GABRA2: variants seen among roughly 807,000 people sequenced by gnomAD.
The protein encoded by GABRA2 is gamma-aminobutyric acid receptor subunit alpha-2.
In GABRA2, 16 loss-of-function variants were observed where a neutral mutation model predicts 48.7. That is an observed-to-expected ratio of 0.33 (90% CI 0.22 to 0.50). The LOEUF (loss-of-function observed/expected upper bound fraction) is 0.50. Ranked by LOEUF, GABRA2 falls within the 20% of genes least tolerant of loss-of-function variation. GABRA2 has a pLI of 0.98. For missense variants in GABRA2, 275 were observed against 535.6 expected, an observed-to-expected ratio of 0.51 and a Z score of 4.80; for synonymous variants, 185 against 184.5, an observed-to-expected ratio of 1.00 and a Z score of -0.02.
At chr4:46,384,512 C>G (rs1717185828) in intron 3 of GABRA2, among the ~76,000 whole-genome samples, 1 of 152,098 alleles carries the variant, frequency 6.6e-6, no homozygotes, top group Non-Finnish European at 1.5e-5. Context: ...TTTCTACTAC[C>G]TAACCATATA....
intron 9 of GABRA2, among the ~76,000 whole-genome samples, chr4:46,254,256 G>A (rs983643437): frequency 1.3e-5 from 2 of 151,382 alleles, no homozygotes; most frequent in Non-Finnish European, 3.0e-5. Context: ...ACCATCAGCA[G>A]GTTGAATCCT....
chr4:46,275,761 CT>C (rs1034900285), intron 8 of GABRA2, among the ~76,000 whole-genome samples: 1 of 151,968 alleles, frequency 6.6e-6, no homozygotes, highest in African/African-American at 2.4e-5. Context: ...CTTATAGCTC[CT>C]TGAGGTGATT....
At position 46,375,375 on chromosome 4, in the gene GABRA2, C is replaced by T. The variant is rs565226163; in HGVS notation, c.187+10699G>A. Among the ~76,000 whole-genome samples, 3 of 152,146 alleles carry T rather than the reference C, an allele frequency of 2.0e-5. No homozygotes were observed. The East Asian group carries it at 5.8e-4, about 29-fold the overall frequency. On this transcript the variant is annotated intron_variant, in intron 3 of 9. Coordinates refer to ENST00000381620, the MANE Select transcript of GABRA2 (RefSeq NM_000807.4). ...CACTAAAAATTTAGAAGAAATAATTCTCATCATATAACTCTTCATAAGTTT... is the reference window on the plus strand; with the variant it reads ...CACTAAAAATTTAGAAGAAATAATTTTCATCATATAACTCTTCATAAGTTT...
intron 8 of GABRA2, among the ~76,000 whole-genome samples, chr4:46,293,256 C>A (rs115746587): frequency 0.013 from 1,962 of 152,246 alleles, 25 homozygotes; most frequent in Non-Finnish European, 0.019. Context: ...CAGACTTAAG[C>A]CAGTTTACAG....
At chr4:46,261,434 T>C (rs1212168228) in intron 9 of GABRA2, 1 of 161,866 alleles carries the variant, frequency 6.2e-6, no homozygotes, top group Non-Finnish European at 1.4e-5. Context: ...CCTGGAATTC[T>C]ATAATAAGTA....
intron 3 of GABRA2, among the ~76,000 whole-genome samples, chr4:46,356,535 C>T (rs546082770): frequency 6.6e-6 from 1 of 152,016 alleles, no homozygotes; most frequent in South Asian, 2.1e-4. Context: ...GGGTGCATGG[C>T]AGCTGCATAA....
intron 8 of GABRA2, among the ~76,000 whole-genome samples, chr4:46,269,550 T>C (rs1378471595): frequency 6.6e-6 from 1 of 151,874 alleles, no homozygotes; most frequent in Non-Finnish European, 1.5e-5. Context: ...ATAATTCAAT[T>C]TGAATGAAAA....
chr4:46,361,845 T>A (rs1713247342), intron 3 of GABRA2, among the ~76,000 whole-genome samples: 1 of 152,168 alleles, frequency 6.6e-6, no homozygotes, highest in Non-Finnish European at 1.5e-5. Flanking sequence ...TCAAAGGAGA[T>A]CATTTTGAAG....
At chr4:46,291,932 C>T (rs192003705) in intron 8 of GABRA2, among the ~76,000 whole-genome samples, 13 of 151,892 alleles carry the variant, frequency 8.6e-5, no homozygotes, top group South Asian at 4.2e-4. Context: ...CATTGGTTTT[C>T]GGATTTCTAG....
intron 3 of GABRA2, among the ~76,000 whole-genome samples, chr4:46,340,860 T>C (rs564179134): frequency 6.6e-6 from 1 of 152,004 alleles, no homozygotes; most frequent in Non-Finnish European, 1.5e-5. Context: ...GAAATTCTAT[T>C]ATGCAAATGT....
Position 46,387,778 on chromosome 4 carries a change from A to G in GABRA2, c.71+858T>C, listed in dbSNP as rs1717668140. Among the ~76,000 whole-genome samples, 5 of 152,280 alleles carry G rather than the reference A, an allele frequency of 3.3e-5. No individual in the cohort carries two copies. In the South Asian group the frequency reaches 1.0e-3, roughly 32 times the overall value. Reference sequence around the variant, plus strand: ...ACCATTACTTGGACAATTAAATAAAAAGTTAAAAGAGAAATAAAGGTATAA... The same window carrying G: ...ACCATTACTTGGACAATTAAATAAAGAGTTAAAAGAGAAATAAAGGTATAA... On this transcript the variant is annotated intron_variant, in intron 2 of 9. Coordinates refer to ENST00000381620, the MANE Select transcript of GABRA2 (RefSeq NM_000807.4).
At chr4:46,368,043 G>A (rs1714312847) in intron 3 of GABRA2, 1 of 152,092 alleles carries the variant, frequency 6.6e-6, no homozygotes, top group Admixed American at 6.6e-5. Flanking sequence ...GGACACAGTG[G>A]CTAGCAATGT....
At chr4:46,277,962 T>C (rs1577876143) in intron 8 of GABRA2, among the ~76,000 whole-genome samples, 2 of 152,252 alleles carry the variant, frequency 1.3e-5, no homozygotes, top group South Asian at 2.1e-4. Context: ...GTATGTAATC[T>C]ATATCTACTT....
At chr4:46,256,313 TGAA>T in intron 9 of GABRA2, 1 of 694,558 alleles carries the variant, frequency 1.4e-6, no homozygotes, top group South Asian at 1.5e-5. Flanking sequence ...CTTAGCTCCT[TGAA>T]GAATTGCTTT....
At position 46,279,471 on chromosome 4, in the gene GABRA2, C is replaced by T. The variant is rs532877421; in HGVS notation, c.857-17343G>A. ...TGTAGTTTTATATGACAAAATCTGG[C>T]AATGGATATTCTCTTTTCATCTCTT... On this transcript the variant is annotated intron_variant, in intron 8 of 9. Coordinates refer to ENST00000381620, the MANE Select transcript of GABRA2 (RefSeq NM_000807.4). 1.5e-4 allele frequency among the ~76,000 whole-genome samples: 23 copies of T among 152,126 alleles called. 1 individual carries two copies. The South Asian group carries it at 4.8e-3, about 32-fold the overall frequency.
intron 8 of GABRA2, among the ~76,000 whole-genome samples, chr4:46,264,641 T>G (rs1014878359): frequency 6.6e-6 from 1 of 151,948 alleles, no homozygotes; most frequent in South Asian, 2.1e-4. Context: ...GATCTGTAGG[T>G]TTTTTATTGT....
intron 3 of GABRA2, among the ~76,000 whole-genome samples, chr4:46,378,209 A>C (rs1165676121): frequency 1.3e-5 from 2 of 152,164 alleles, no homozygotes; most frequent in East Asian, 3.9e-4. Flanking sequence ...GGTTTTGTGG[A>C]ATGGAAAGGG....
intron 2 of GABRA2, among the ~76,000 whole-genome samples, chr4:46,387,216 C>T (rs1271360118): frequency 6.6e-6 from 1 of 151,844 alleles, no homozygotes; most frequent in Non-Finnish European, 1.5e-5. Context: ...GAACAGAAAA[C>T]TAGTTGAGAG....
rs558830198 is a variant in GABRA2 at position 46,246,854 on chromosome 4, G to C, written c.*3454C>G. 6.6e-6 allele frequency among the ~76,000 whole-genome samples: 1 copy of C among 151,080 alleles called. No individual in the cohort carries two copies. Among genetic ancestry groups the C allele is most frequent in the Admixed American group, 6.6e-5 (1 of 15,104 alleles). ...CCAAAGAACCATGATAATGCAGAAG[G>C]TGACTTGAGCTACTTCCTTTCTTCT... On this transcript the variant is annotated 3_prime_UTR_variant, in exon 10 of 10. Transcript: ENST00000381620.
Sources: allele counts gnomAD v4.1 joint callset (sites outside exome capture counted in the v4.1 genomes callset), GRCh38; gene constraint gnomAD v4.1.1; transcripts MANE v1.5; gene names NCBI Gene and HGNC (gene_info 2026-07-23, HGNC 2026-07-21).